The following TCFL5 variants were observed in gnomAD, a reference collection of about 807,000 sequenced individuals.
TCFL5 encodes the protein transcription factor like 5, also known as transcription factor-like 5 protein.
In TCFL5, 9 loss-of-function variants were observed where a neutral mutation model predicts 44.3. That is an observed-to-expected ratio of 0.20 (90% CI 0.12 to 0.35). TCFL5 has a LOEUF of 0.35. Ranked by LOEUF, TCFL5 falls within the 10% of genes least tolerant of loss-of-function variation. TCFL5 has a pLI of 1.00. For synonymous variants in TCFL5, 319 were observed against 271.6 expected, an observed-to-expected ratio of 1.17 and a Z score of -1.72; for missense variants, 603 against 613.4, an observed-to-expected ratio of 0.98 and a Z score of 0.18.
intron 5 of TCFL5, chr20:62,845,317 C>T: frequency 1.1e-6 from 1 of 899,018 alleles, no homozygotes; most frequent in Non-Finnish European, 1.4e-6. Flanking sequence ...AGACGGGGGT[C>T]ACACCGTATT....
intron 5 of TCFL5, chr20:62,852,025 C>T (rs2063816756): frequency 9.3e-6 from 9 of 963,338 alleles, no homozygotes; most frequent in African/African-American, 1.8e-5. Flanking sequence ...AAGCTGGTCT[C>T]GAACTCCTGG....
rs1373636667 is a variant in TCFL5, at chr20:62,842,150, C to T, written c.1381-53G>A. The T allele has an allele frequency of 1.9e-6, 3 of 1,608,698 alleles. No individual in the cohort carries two copies. The highest frequency in any genetic ancestry group is 2.5e-6 in the Non-Finnish European group (3 of 1,176,840). ...ACTGAATTAACTGACATGAAAACTG[C>T]TGTCTTCCAAAGTGCAAAAGGTTCA... On this transcript the variant is annotated intron_variant, in intron 5 of 5. Transcript: ENST00000335351. The surrounding 1 kb of genome is among the most constrained non-coding windows in gnomAD (Gnocchi z 4.3).
At chr20:62,859,210 C>T (rs760552035) in intron 3 of TCFL5, among the ~76,000 whole-genome samples, 154 bp downstream of exon 3, 2 of 152,174 alleles carry the variant, frequency 1.3e-5, no homozygotes, top group Admixed American at 1.3e-4. Flanking sequence ...GACAGGGAAG[C>T]GGGTGGACAG....
intron 5 of TCFL5, chr20:62,845,555 C>G: frequency 6.7e-7 from 1 of 1,481,682 alleles, no homozygotes; most frequent in Non-Finnish European, 9.0e-7. Flanking sequence ...ATTCACCTTT[C>G]AGGACAATTA....
chr20:62,859,486 T>G lies in TCFL5; in HGVS notation c.872A>C (p.His291Pro), dbSNP rs2063951636. Residue 291 changes from histidine to proline, a missense_variant, in exon 3 of 6, where the codon CAC (histidine) becomes CCC (proline). His to Pro is a moderately conservative substitution (Grantham distance 77). Around this residue, in one of 4 missense-constraint regions of TCFL5, gnomAD observed 540 missense variants for 478.7 expected, o/e 1.13. Transcript: ENST00000335351. ...TGCTCTAGGCAATCCAATATCCTGG[T>G]GCTTGGCAGCTTCAAGTACAGAACA... is the stretch of plus-strand genomic sequence containing the variant. The part of the protein sequence containing the change: ...NSCSVLEAAK[H>P]QDIGLPRAFS... 1.9e-6 allele frequency: 3 copies of G among 1,613,822 alleles called. No homozygotes were observed. The highest frequency in any genetic ancestry group is 2.5e-6 in the Non-Finnish European group (3 of 1,179,940).
chr20:62,859,231 TAC>T (rs1482123912), intron 3 of TCFL5, 131 bp downstream of exon 3: 4 of 803,694 alleles, frequency 5.0e-6, no homozygotes, highest in African/African-American at 3.5e-5. Flanking sequence ...ACCCCTGAGA[TAC>T]ACAGACACCT....
intron 3 of TCFL5, among the ~76,000 whole-genome samples, chr20:62,859,052 A>G (rs970378219): frequency 6.6e-6 from 1 of 152,260 alleles, no homozygotes; most frequent in African/African-American, 2.4e-5. Context: ...AGGAAAATAA[A>G]AAACTATAAA....
intron 3 of TCFL5, 27 bp downstream of exon 3, chr20:62,859,337 C>T (rs1293968428): frequency 1.4e-5 from 23 of 1,595,656 alleles, no homozygotes; most frequent in Admixed American, 5.3e-5. Context: ...GAAGAAAGCT[C>T]CCACTACCTG....
chr20:62,860,870 G>A (rs1234982439), intron 1 of TCFL5, among the ~76,000 whole-genome samples, 154 bp downstream of exon 1: 5 of 152,076 alleles, frequency 3.3e-5, no homozygotes, highest in Non-Finnish European at 2.9e-5. Flanking sequence ...GCCTTTCGGG[G>A]CGGCCCCAGA....
chr20:62,851,318 G>A (rs2147262735), intron 5 of TCFL5, among the ~76,000 whole-genome samples: 1 of 152,132 alleles, frequency 6.6e-6, no homozygotes, highest in South Asian at 2.1e-4. Context: ...GAAATATTCA[G>A]CAAACATAAT....
intron 3 of TCFL5, among the ~76,000 whole-genome samples, chr20:62,859,140 C>T (rs1214072758): frequency 2.6e-5 from 4 of 152,188 alleles, no homozygotes; most frequent in Non-Finnish European, 5.9e-5. Flanking sequence ...CCCTCAAACG[C>T]AACGTTCTCA....
chr20:62,846,211 A>AT (rs1652277046), intron 5 of TCFL5: 1 of 822,128 alleles, frequency 1.2e-6, no homozygotes, highest in Non-Finnish European at 1.7e-6. Flanking sequence ...ATCCTCAGAC[A>AT]TAACTAGGCG....
chr20:62,857,058 A>T (rs1290779499), intron 4 of TCFL5, among the ~76,000 whole-genome samples: 1 of 152,202 alleles, frequency 6.6e-6, no homozygotes, highest in Non-Finnish European at 1.5e-5. Context: ...CATGAGGGGC[A>T]ACCTGCCTGA....
At chr20:62,845,522 A>G in intron 5 of TCFL5, 1 of 1,439,066 alleles carries the variant, frequency 6.9e-7, no homozygotes, top group Non-Finnish European at 9.1e-7. Flanking sequence ...TATAAAAAAC[A>G]CTTGCCTATT....
At chr20:62,844,566 T>TG (rs2063716121) in intron 5 of TCFL5, among the ~76,000 whole-genome samples, 1 of 144,956 alleles carries the variant, frequency 6.9e-6, no homozygotes, top group Admixed American at 6.7e-5. Flanking sequence ...TTTCTGTTTT[T>TG]TTTTGTTTGT....
intron 4 of TCFL5, 130 bp downstream of exon 4, chr20:62,857,265 G>A (rs2063907988): frequency 7.6e-7 from 1 of 1,317,270 alleles, no homozygotes; most frequent in African/African-American, 1.5e-5. Flanking sequence ...ATCTGGGAAA[G>A]CTAACGATGC....
intron 3 of TCFL5, among the ~76,000 whole-genome samples, chr20:62,858,926 G>A (rs556447530): frequency 6.6e-5 from 10 of 150,446 alleles, no homozygotes; most frequent in East Asian, 3.9e-4. Flanking sequence ...CAAACTTTCC[G>A]AATCACCTTA....
intron 5 of TCFL5, among the ~76,000 whole-genome samples, chr20:62,847,677 G>A (rs1246483124): frequency 5.3e-5 from 8 of 152,212 alleles, no homozygotes; most frequent in Non-Finnish European, 1.2e-4. Flanking sequence ...CTCTGCAGCC[G>A]AGAGGCCCTC....
rs765578423 is a variant in TCFL5, at chr20:62,854,170, C to T, written c.1239-13G>A. ...GCGGATTCTGCGCCTATAGTCAAAACCCAAAGTCATCACCGAGAGAGACCG... is the reference window on the plus strand; with the variant it reads ...GCGGATTCTGCGCCTATAGTCAAAATCCAAAGTCATCACCGAGAGAGACCG... On this transcript the variant is annotated splice_polypyrimidine_tract_variant and intron_variant, in intron 4 of 5. Transcript: ENST00000335351. 8 of 1,613,588 alleles carry T rather than the reference C, an allele frequency of 5.0e-6. No homozygotes were observed. In the South Asian group the frequency reaches 7.7e-5, roughly 16 times the overall value.
Sources: gnomAD v4.1 joint callset for allele counts (sites outside exome capture counted in the v4.1 genomes callset) on GRCh38, gnomAD v4.1.1 for gene constraint, gnomAD v4.1.1 regional missense constraint, Gnocchi (gnomAD v3.1) non-coding constraint, MANE v1.5 for transcripts, NCBI Gene and HGNC (gene_info 2026-07-23, HGNC 2026-07-21) for gene names.